LRRC4C: variants seen among roughly 807,000 people sequenced by gnomAD.
The protein encoded by LRRC4C is leucine rich repeat containing 4C.
In LRRC4C, 5 loss-of-function variants were observed where a neutral mutation model predicts 33.6. That is an observed-to-expected ratio of 0.15 (90% CI 0.08 to 0.31). The LOEUF (loss-of-function observed/expected upper bound fraction) is 0.31, where lower values mean the gene tolerates loss of function less well. LRRC4C is among the 10% of genes least tolerant of loss of function. The pLI is 1.00. For synonymous variants in LRRC4C, 329 were observed against 302.0 expected (o/e 1.09, Z -0.93); for missense variants, 560 against 796.7 (o/e 0.70, Z 3.58).
chr11:40,370,317 C>T lies in LRRC4C; in HGVS notation c.-269-50596G>A, dbSNP rs915622521. 3.3e-5 allele frequency among the ~76,000 whole-genome samples: 5 copies of T among 152,156 alleles called. No individual in the cohort carries two copies. The East Asian group carries it at 9.7e-4, about 29-fold the overall frequency. ...GAGACCTAAACACCAACCGCAACAT[C>T]TAAAACACTCGCTGAAACGACTGCT... On this transcript the variant is annotated intron_variant, in intron 3 of 6. Coordinates refer to ENST00000528697, the MANE Select transcript of LRRC4C (RefSeq NM_001258419.2).
intron 4 of LRRC4C, among the ~76,000 whole-genome samples, chr11:40,294,570 T>C (rs1051734682): frequency 4.6e-5 from 7 of 152,128 alleles, no homozygotes; most frequent in Non-Finnish European, 7.3e-5. Context: ...GTCTCACGCC[T>C]GTAATCCCAG....
At chr11:40,259,929 A>G (rs1867555988) in intron 4 of LRRC4C, among the ~76,000 whole-genome samples, 2 of 150,720 alleles carry the variant, frequency 1.3e-5, no homozygotes, top group Admixed American at 6.6e-5. Flanking sequence ...GATGTGGAGA[A>G]ATAGGAACAC....
At chr11:41,051,153 A>G (rs1006107985) in intron 1 of LRRC4C, among the ~76,000 whole-genome samples, 5 of 152,154 alleles carry the variant, frequency 3.3e-5, no homozygotes, top group African/African-American at 1.2e-4. Flanking sequence ...GTTTGTAAAT[A>G]TCTATGTTCT....
At chr11:40,564,718 C>A (rs117598376) in intron 3 of LRRC4C, among the ~76,000 whole-genome samples, 409 of 152,234 alleles carry the variant, frequency 2.7e-3, no homozygotes, top group Non-Finnish European at 4.2e-3. Context: ...AGGGAGTGGT[C>A]CCTAAAGAGG....
chr11:41,308,662 T>C (rs914615276), intron 1 of LRRC4C, among the ~76,000 whole-genome samples: 1 of 152,000 alleles, frequency 6.6e-6, no homozygotes, highest in African/African-American at 2.4e-5. Context: ...CCAGCCCAGC[T>C]CCCCTATGCA....
chr11:41,118,821 C>T (rs983578267), intron 1 of LRRC4C, among the ~76,000 whole-genome samples: 2 of 152,112 alleles, frequency 1.3e-5, no homozygotes, highest in Non-Finnish European at 2.9e-5. Context: ...ACTTATCACT[C>T]ATTATAAGGA....
Position 40,504,756 on chromosome 11 carries a change from G to A in LRRC4C, c.-270+143386C>T, listed in dbSNP as rs568201888. On this transcript the variant is annotated intron_variant, in intron 3 of 6. Coordinates refer to ENST00000528697, the MANE Select transcript of LRRC4C (RefSeq NM_001258419.2). ...TTACTGTCTAGAATGTATTGCTATC[G>A]ACACATTTCTCATCAACATTTTATG... 7.2e-5 allele frequency among the ~76,000 whole-genome samples: 11 copies of A among 151,888 alleles called. No homozygotes were observed. The South Asian group carries it at 1.7e-3, about 23-fold the overall frequency.
At chr11:41,366,234 ATAGATAGATAG>A (rs770462456) in intron 1 of LRRC4C, among the ~76,000 whole-genome samples, 331 of 111,400 alleles carry the variant, frequency 3.0e-3, no homozygotes, top group Non-Finnish European at 5.1e-3. Context: ...AGATAGATAG[ATAGATAGATAG>A]GTAGATATCC....
At chr11:40,419,822 T>C (rs2137727642) in intron 3 of LRRC4C, among the ~76,000 whole-genome samples, 1 of 152,296 alleles carries the variant, frequency 6.6e-6, no homozygotes, top group South Asian at 2.1e-4. Flanking sequence ...TGGTCCTATA[T>C]CAATGTTGGA....
intron 1 of LRRC4C, among the ~76,000 whole-genome samples, chr11:41,252,199 C>T (rs894896667): frequency 2.0e-5 from 3 of 152,108 alleles, no homozygotes; most frequent in Non-Finnish European, 4.4e-5. Flanking sequence ...AAGTGCTGGG[C>T]TAACCTGGTA....
intron 5 of LRRC4C, among the ~76,000 whole-genome samples, chr11:40,155,078 A>T (rs1858571592): frequency 6.6e-6 from 1 of 152,214 alleles, no homozygotes; most frequent in Non-Finnish European, 1.5e-5. Context: ...AAATAAATAC[A>T]TGGAAATTAA....
intron 3 of LRRC4C, among the ~76,000 whole-genome samples, chr11:40,344,586 C>T (rs1425677301): frequency 6.6e-6 from 1 of 152,106 alleles, no homozygotes; most frequent in Admixed American, 6.6e-5. Flanking sequence ...CCCTTAAAAA[C>T]CAGAACAAGT....
chr11:40,325,684 C>A (rs1043036923), intron 3 of LRRC4C, among the ~76,000 whole-genome samples: 3 of 151,542 alleles, frequency 2.0e-5, no homozygotes, highest in African/African-American at 7.3e-5. Context: ...AAGTCATGTT[C>A]GAAAGATAGC....
intron 1 of LRRC4C, among the ~76,000 whole-genome samples, chr11:41,078,940 T>A (rs1203117627): frequency 6.6e-6 from 1 of 152,192 alleles, no homozygotes; most frequent in African/African-American, 2.4e-5. Context: ...AATAACCTCC[T>A]AAAGTGTTTC....
intron 5 of LRRC4C, among the ~76,000 whole-genome samples, chr11:40,147,207 T>C (rs1382640552): frequency 1.3e-5 from 2 of 152,152 alleles, no homozygotes; most frequent in African/African-American, 4.8e-5. Context: ...CCTGGCCATC[T>C]TGTTAGGCCT....
intron 3 of LRRC4C, among the ~76,000 whole-genome samples, chr11:40,399,094 C>G (rs962389193): frequency 6.6e-6 from 1 of 151,954 alleles, no homozygotes; most frequent in Non-Finnish European, 1.5e-5. Context: ...AGAGTGTGTT[C>G]AAAGAACAAT....
At chr11:41,093,445 C>T (rs918786771) in intron 1 of LRRC4C, among the ~76,000 whole-genome samples, 1 of 152,188 alleles carries the variant, frequency 6.6e-6, no homozygotes, top group African/African-American at 2.4e-5. Context: ...TTGTCCTGAA[C>T]TCTTAGTATC....
At chr11:40,421,240 ATGTTCT>A (rs1345614547) in intron 3 of LRRC4C, among the ~76,000 whole-genome samples, 1 of 152,210 alleles carries the variant, frequency 6.6e-6, no homozygotes, top group African/African-American at 2.4e-5. Flanking sequence ...GACAGATCTG[ATGTTCT>A]TATTCTAGAA....
chr11:41,361,034 G>C (rs1372377990), intron 1 of LRRC4C, among the ~76,000 whole-genome samples: 3 of 152,156 alleles, frequency 2.0e-5, no homozygotes, highest in Non-Finnish European at 4.4e-5. Context: ...TAAATCAAAA[G>C]AGTCTGTGTT....
Sources: allele counts gnomAD v4.1 joint callset (sites outside exome capture counted in the v4.1 genomes callset), GRCh38; gene constraint gnomAD v4.1.1; transcripts MANE v1.5; gene names NCBI Gene and HGNC (gene_info 2026-07-23, HGNC 2026-07-21).